The following DOT1L variants were observed in gnomAD, a reference collection of about 807,000 sequenced individuals.
The protein encoded by DOT1L is DOT1 like histone lysine methyltransferase, also known as histone-lysine N-methyltransferase, H3 lysine-79 specific.
A neutral mutation model predicts 153.3 loss-of-function variants in DOT1L; 33 were observed. The ratio of observed to expected loss-of-function variants is 0.22; its 90% CI spans 0.16 to 0.29. The LOEUF (loss-of-function observed/expected upper bound fraction) is 0.29, where lower values mean the gene tolerates loss of function less well. Among genes scored for constraint, DOT1L ranks in the 10% least tolerant of loss-of-function variants. The pLI, the probability that DOT1L is intolerant of heterozygous loss-of-function variation, is 1.00. For missense variants in DOT1L, 1,847 were observed against 2,119.9 expected, an observed-to-expected ratio of 0.87 and a Z score of 2.53; for synonymous variants, 1,135 against 965.1, an observed-to-expected ratio of 1.18 and a Z score of -3.26.
In DOT1L at chr19:2,210,864, C is replaced by A. The variant is rs779791945; in HGVS notation, c.1351+9C>A. ...GGCCTCCTCACCCCAGGGTGAGCCG[C>A]CCCCACGCCACGGCCCCCGCTCTCC... On this transcript the variant is annotated intron_variant, in intron 14 of 27. Transcript: ENST00000398665. 4 of 1,610,886 alleles carry A rather than the reference C, an allele frequency of 2.5e-6. No homozygotes were observed. In the African/African-American group the frequency reaches 4.0e-5, roughly 16 times the overall value.
chr19:2,172,144 C>T (rs1257267592), intron 1 of DOT1L, among the ~76,000 whole-genome samples: 1 of 151,994 alleles, frequency 6.6e-6, no homozygotes, highest in Admixed American at 6.6e-5. Context: ...GCACAGCATG[C>T]AGCTCCCACT....
rs1422156552 is a variant in DOT1L at position 2,226,283 on chromosome 19, C to G, written c.3762C>G (p.Ala1254=). The change falls in exon 27 of 28, where the codon GCC becomes GCG. Residue 1254 remains alanine (A), a synonymous_variant. Transcript: ENST00000398665. ...TFSPISDIGL[A]KSADSPLQAS... is the part of the protein sequence containing the mutation. ...CGCCCATCTCCGACATCGGCCTGGC[C>G]AAGTCGGCGGACAGCCCGCTGCAGG... is the stretch of plus-strand genomic sequence containing the variant. The G allele has an allele frequency of 3.3e-5, 52 of 1,598,382 alleles. No individual in the cohort carries two copies. Among genetic ancestry groups the G allele is most frequent in the Non-Finnish European group, 4.4e-5 (52 of 1,172,396 alleles).
chr19:2,199,764 C>T (rs2023168025), intron 7 of DOT1L, 120 bp from the exon 8 acceptor site: 10 of 1,384,568 alleles, frequency 7.2e-6, no homozygotes, highest in Non-Finnish European at 8.9e-6. Context: ...CCTGGGCCTC[C>T]TCCTGCTCCT....
At chr19:2,171,709 C>T (rs559603008) in intron 1 of DOT1L, among the ~76,000 whole-genome samples, 7 of 152,300 alleles carry the variant, frequency 4.6e-5, no homozygotes, top group East Asian at 1.9e-4. Flanking sequence ...CATGCATGTC[C>T]GGCAGGCCCT....
chr19:2,204,833 C>T lies in DOT1L; in HGVS notation c.788-1896C>T, dbSNP rs2023431770. ...TACTGGCCTAACCTGTGTGCCCAGC[C>T]TGGCCCTGGAACCGCCCTTCCTGCT... is the stretch of plus-strand genomic sequence containing the variant. On this transcript the variant is annotated intron_variant, in intron 9 of 27. Coordinates refer to ENST00000398665, the MANE Select transcript of DOT1L (RefSeq NM_032482.3). The surrounding 1 kb of genome is among the most constrained non-coding windows in gnomAD (Gnocchi z 5.7). 6.6e-6 allele frequency among the ~76,000 whole-genome samples: 1 copy of T among 152,236 alleles called. No homozygotes were observed. The highest frequency in any genetic ancestry group is 2.1e-4 in the South Asian group (1 of 4,828).
intron 9 of DOT1L, among the ~76,000 whole-genome samples, chr19:2,205,348 G>A (rs1436130599): frequency 1.3e-5 from 2 of 152,106 alleles, no homozygotes; most frequent in Non-Finnish European, 2.9e-5. Flanking sequence ...TGCGAAGTTC[G>A]GCTCCTGACA....
chr19:2,220,182 C>T lies in DOT1L; in HGVS notation c.2766C>T (p.Ala922=), dbSNP rs2024060662. 6.2e-7 allele frequency: 1 copy of T among 1,613,682 alleles called. No individual in the cohort carries two copies. The highest frequency in any genetic ancestry group is 8.5e-7 in the Non-Finnish European group (1 of 1,180,004). ...TTGAAAAGCAGATTGGTGCTAATGCCCACGGTGCTGGGAGCAGAAGCCTTG... is the reference window on the plus strand; with the variant it reads ...TTGAAAAGCAGATTGGTGCTAATGCTCACGGTGCTGGGAGCAGAAGCCTTG... ...STLEKQIGAN[A]HGAGSRSLAL... The change falls in exon 23 of 28, where the codon GCC becomes GCT. Residue 922 remains alanine (A), a synonymous_variant. Coordinates refer to ENST00000398665, the MANE Select transcript of DOT1L (RefSeq NM_032482.3). This position sits in a 1 kb window ranked among gnomAD's most constrained non-coding sequence, Gnocchi z 4.5.
chr19:2,182,058 A>G (rs2022265481), intron 2 of DOT1L, among the ~76,000 whole-genome samples: 3 of 152,110 alleles, frequency 2.0e-5, no homozygotes, highest in South Asian at 2.1e-4. Flanking sequence ...CCCTGTCTCT[A>G]CTAAAAAAAA....
rs1309212458 is a variant in DOT1L at position 2,204,341 on chromosome 19, AGTTT to A, written c.787+1568_787+1571del. On this transcript the variant is annotated intron_variant, in intron 9 of 27. Coordinates refer to ENST00000398665, the MANE Select transcript of DOT1L (RefSeq NM_032482.3). This position sits in a 1 kb window ranked among gnomAD's most constrained non-coding sequence, Gnocchi z 5.7. ...TCTCTCTGCGTCTGTGTGCCTTGGG[AGTTT>A]GTTTGCATATCTGTGTGTGTGTGTG... Among the ~76,000 whole-genome samples, 10 of 150,472 alleles carry A rather than the reference AGTTT, an allele frequency of 6.6e-5. No individual in the cohort carries two copies. The highest frequency in any genetic ancestry group is 2.1e-4 in the South Asian group (1 of 4,744).
chr19:2,218,339 T>A (rs2144880695), intron 22 of DOT1L, among the ~76,000 whole-genome samples: 1 of 152,362 alleles, frequency 6.6e-6, no homozygotes, highest in Non-Finnish European at 1.5e-5. Context: ...AACTATTTTT[T>A]AAAAATTGTG....
rs183043713 is a variant in DOT1L at position 2,194,361 on chromosome 19, C to T, written c.589-154C>T. 7.7e-3 allele frequency among the ~76,000 whole-genome samples: 1,178 copies of T among 152,034 alleles called. 14 individuals carry two copies. Among genetic ancestry groups the T allele is most frequent in the Middle Eastern group, 0.02 (6 of 294 alleles). ...AATTTTTTTGTATTTTTAGTAGAGA[C>T]GGGGTTTCACCGTGTTAGCCAGGAT... is the stretch of plus-strand genomic sequence containing the variant. On this transcript the variant is annotated intron_variant, in intron 6 of 27. Coordinates refer to ENST00000398665, the MANE Select transcript of DOT1L (RefSeq NM_032482.3).
intron 27 of DOT1L, 158 bp from the exon 28 acceptor site, chr19:2,229,627 G>C: frequency 2.0e-6 from 2 of 985,466 alleles, no homozygotes; most frequent in Non-Finnish European, 2.4e-6. Context: ...CCCGTCGTCT[G>C]TTGTGGTTAG....
rs757174519 is a variant in DOT1L at position 2,188,492 on chromosome 19, C to G, written c.201-1240C>G. On this transcript the variant is annotated intron_variant, in intron 3 of 27. Transcript: ENST00000398665. ...GTCCCCAGCCGCCGCCCCCCCCCCCCCCACCCGCACAGGTGCAGGCCCCCT... is the reference window on the plus strand; with the variant it reads ...GTCCCCAGCCGCCGCCCCCCCCCCCGCCACCCGCACAGGTGCAGGCCCCCT... Among the ~76,000 whole-genome samples the G allele has an allele frequency of 2.1e-4, 27 of 131,444 alleles. 2 individuals carry two copies. The highest frequency in any genetic ancestry group is 6.6e-4 in the East Asian group (3 of 4,524). 86.2% of individuals were successfully genotyped at this position (131,444 alleles called of 152,430 possible). A position where few individuals can be genotyped will look rare whatever the true frequency, so the allele number is the denominator to read the frequency against.
rs987884021 is a variant in DOT1L at position 2,225,464 on chromosome 19, G to C, written c.3661+12G>C. On this transcript the variant is annotated intron_variant, in intron 26 of 27. Coordinates refer to ENST00000398665, the MANE Select transcript of DOT1L (RefSeq NM_032482.3). ...AACCTTGGAAAATGGTGAGTAACAA[G>C]TGTTTTGCGGCGTGGCCAGGCCTGT... is the stretch of plus-strand genomic sequence containing the variant. The C allele has an allele frequency of 3.1e-6, 5 of 1,613,936 alleles. No individual in the cohort carries two copies. Among genetic ancestry groups the C allele is most frequent in the East Asian group, 4.5e-5 (2 of 44,902 alleles).
In DOT1L at chr19:2,230,882, C is replaced by G. The variant is rs1183846906; in HGVS notation, c.*1090C>G. On this transcript the variant is annotated 3_prime_UTR_variant, in exon 28 of 28. Coordinates refer to ENST00000398665, the MANE Select transcript of DOT1L (RefSeq NM_032482.3). ...CTGCCTGCCCCACATCCCTTCCTGT[C>G]AGGGCCACGCCTGGCACCCATCCCT... 3.1e-6 allele frequency: 1 copy of G among 321,550 alleles called. No individual in the cohort carries two copies. The highest frequency in any genetic ancestry group is 5.6e-6 in the Non-Finnish European group (1 of 177,578). The allele number at this position is 321,550 out of a possible 1,614,324, so 19.9% of individuals were successfully genotyped here.
intron 8 of DOT1L, among the ~76,000 whole-genome samples, chr19:2,200,182 C>T (rs1277331045): frequency 1.3e-5 from 2 of 152,168 alleles, no homozygotes; most frequent in African/African-American, 4.8e-5. Context: ...GAGCCCGTTC[C>T]TGCTGCCTGT....
chr19:2,228,063 C>G, intron 27 of DOT1L: 1 of 1,315,700 alleles, frequency 7.6e-7, no homozygotes, highest in African/African-American at 1.5e-5. Flanking sequence ...CGCGCTTCTG[C>G]AGAGCCTCGC....
Position 2,217,277 on chromosome 19 carries a change from G to A in DOT1L, c.2544+187G>A, listed in dbSNP as rs1054753617. Among the ~76,000 whole-genome samples the A allele has an allele frequency of 1.6e-4, 25 of 152,224 alleles. No homozygotes were observed. Among genetic ancestry groups the A allele is most frequent in the Non-Finnish European group, 1.2e-4 (8 of 68,042 alleles). On this transcript the variant is annotated intron_variant, in intron 21 of 27. Coordinates refer to ENST00000398665, the MANE Select transcript of DOT1L (RefSeq NM_032482.3). The surrounding 1 kb of genome is among the most constrained non-coding windows in gnomAD (Gnocchi z 7.3). Reference sequence around the variant, plus strand: ...AAGGACAGGTCACAGGTGACGTTGGGCAGGTGCCATGGAGGACATGGGGTT... The same window carrying A: ...AAGGACAGGTCACAGGTGACGTTGGACAGGTGCCATGGAGGACATGGGGTT...
rs369341974 is a variant in DOT1L at position 2,226,817 on chromosome 19, C to T, written c.4296C>T (p.Ala1432=). The T allele has an allele frequency of 1.5e-5, 24 of 1,578,762 alleles. No homozygotes were observed. Among genetic ancestry groups the T allele is most frequent in the Non-Finnish European group, 2.1e-5 (24 of 1,170,418 alleles). The stretch of plus-strand genomic sequence containing the variant: ...ACAACCTCTTCATCTCTGCGGCGGC[C>T]GTGCCTCCCGGAAGCCTCCTCAGCG... ...NGHNLFISAA[A]VPPGSLLSGP... The change falls in exon 27 of 28, where the codon GCC becomes GCT. Residue 1432 remains alanine, a synonymous_variant. Coordinates refer to ENST00000398665, the MANE Select transcript of DOT1L (RefSeq NM_032482.3).
Sources: allele counts gnomAD v4.1 joint callset (sites outside exome capture counted in the v4.1 genomes callset), GRCh38; gene constraint gnomAD v4.1.1; non-coding constraint Gnocchi (gnomAD v3.1); transcripts MANE v1.5; gene names NCBI Gene and HGNC (gene_info 2026-07-23, HGNC 2026-07-21).